Variants in MPDZ observed in about 807,000 individuals in gnomAD.
The protein encoded by MPDZ is multiple PDZ domain crumbs cell polarity complex component.
In MPDZ, 234 loss-of-function variants were observed where a neutral mutation model predicts 239.1. The ratio of observed to expected loss-of-function variants is 0.98; its 90% confidence interval spans 0.88 to 1.09. The LOEUF is 1.09. MPDZ is among the 50% of genes least tolerant of loss of function. The pLI, the probability that MPDZ is intolerant of heterozygous loss-of-function variation, is 0.00. For missense variants in MPDZ, 3,175 were observed against 2,510.0 expected (o/e 1.26, Z -5.66); for synonymous variants, 1,048 against 881.3 (o/e 1.19, Z -3.35).
intron 1 of MPDZ, among the ~76,000 whole-genome samples, chr9:13,260,302 A>C (rs1038552327): frequency 2.0e-5 from 3 of 152,170 alleles, no homozygotes; most frequent in African/African-American, 7.2e-5. Context: ...AGGAAAATAA[A>C]GGAAAATGGG....
In MPDZ at chr9:13,176,231, A is replaced by T. The variant is rs779867093; in HGVS notation, c.2836T>A (p.Cys946Ser). ...TCAGTCCACACTATTGTGTTTTCACATTCATATTGTTGTTCAATAGCATTT... is the reference window on the plus strand; with the variant it reads ...TCAGTCCACACTATTGTGTTTTCACTTTCATATTGTTGTTCAATAGCATTT... ...PANAIEQQYE[C>S]ENTIVWTESH... Residue 946 changes from cysteine to serine, a missense_variant, in exon 20 of 47, where the codon TGT (cysteine) becomes AGT (serine). By Grantham distance (112) the Cys-to-Ser change is moderately radical. Coordinates refer to ENST00000319217, the MANE Select transcript of MPDZ (RefSeq NM_001378778.1). The T allele has an allele frequency of 1.5e-5, 24 of 1,605,254 alleles. No homozygotes were observed. Among genetic ancestry groups the T allele is most frequent in the Non-Finnish European group, 2.0e-5 (24 of 1,175,194 alleles).
intron 12 of MPDZ, among the ~76,000 whole-genome samples, chr9:13,197,082 G>A (rs1005604609): frequency 5.9e-5 from 9 of 151,432 alleles, no homozygotes; most frequent in African/African-American, 2.2e-4. Flanking sequence ...TTCATTCCAG[G>A]CATATTTTGT....
intron 24 of MPDZ, among the ~76,000 whole-genome samples, chr9:13,152,792 C>A (rs992339681): frequency 1.3e-5 from 2 of 151,958 alleles, no homozygotes; most frequent in Non-Finnish European, 2.9e-5. Flanking sequence ...ATTTCCTATA[C>A]CCACAAAATA....
chr9:13,166,175 A>T (rs746880345), intron 22 of MPDZ, among the ~76,000 whole-genome samples: 1 of 152,164 alleles, frequency 6.6e-6, no homozygotes, highest in Non-Finnish European at 1.5e-5. Flanking sequence ...ATGAGCACAA[A>T]GCTTAATGGG....
intron 23 of MPDZ, among the ~76,000 whole-genome samples, chr9:13,161,241 G>A (rs1177381745): frequency 2.0e-5 from 3 of 151,954 alleles, no homozygotes; most frequent in Non-Finnish European, 2.9e-5. Context: ...ACTGGAGACC[G>A]TGGTGTTCTG....
chr9:13,201,314 C>A (rs901097182), intron 12 of MPDZ, among the ~76,000 whole-genome samples: 1 of 151,604 alleles, frequency 6.6e-6, no homozygotes, highest in South Asian at 2.1e-4. Context: ...ATTGGGGCTT[C>A]TTTGAATGTG....
In MPDZ at chr9:13,108,934, A is replaced by T; in HGVS notation, c.6066+2T>A. The T allele has an allele frequency of 6.2e-7, 1 of 1,610,194 alleles. No homozygotes were observed. The highest frequency in any genetic ancestry group is 8.5e-7 in the Non-Finnish European group (1 of 1,177,744). On this transcript the variant is annotated splice_donor_variant, in intron 46 of 46. Coordinates refer to ENST00000319217, the MANE Select transcript of MPDZ (RefSeq NM_001378778.1). LOFTEE classifies it high-confidence loss of function. The stretch of plus-strand genomic sequence containing the variant: ...GAGGGTGGTTAAAATTTGCAAGCTT[A>T]CCTTTGCAAACACTGTTTTAACATA...
intron 3 of MPDZ, among the ~76,000 whole-genome samples, chr9:13,230,140 T>A (rs1431657410): frequency 6.6e-6 from 1 of 152,118 alleles, no homozygotes; most frequent in African/African-American, 2.4e-5. Context: ...AAAAGAAATA[T>A]CACTGCGTAC....
Position 13,121,773 on chromosome 9 carries a change from C to T in MPDZ, c.5197G>A (p.Gly1733Arg), listed in dbSNP as rs774206866. The change falls in exon 38 of 47, where the codon GGA becomes AGA. Residue 1733 changes from glycine (G) to arginine (R), a missense_variant. Physicochemically the swap from Gly to Arg is moderately radical, Grantham distance 125. Transcript: ENST00000319217. ...TLTIELQKKP[G>R]KGLGLSIVGK... ...ACAATACTTAATCCTAGGCCTTTTC[C>T]CGGCTTCTTCTGCAGCTCAATAGTG... 9 of 1,613,824 alleles carry T rather than the reference C, an allele frequency of 5.6e-6. No individual in the cohort carries two copies. The highest frequency in any genetic ancestry group is 5.9e-6 in the Non-Finnish European group (7 of 1,179,884).
rs370520671 is a variant in MPDZ at position 13,219,710 on chromosome 9, C to T, written c.935G>A (p.Gly312Glu). ...ILKIGDTDLA[G>E]MSSEQVAQVL... is the part of the protein sequence containing the mutation. ...TTGTGCTACTTGCTCACTGCTCATTCCTGCTAGATCTGTGTCACCAATCTT... is the reference window on the plus strand; with the variant it reads ...TTGTGCTACTTGCTCACTGCTCATTTCTGCTAGATCTGTGTCACCAATCTT... Residue 312 changes from glycine (G) to glutamate (E), a missense_variant, in exon 8 of 47, where the codon GGA becomes GAA. Gly to Glu is a moderately conservative substitution (Grantham distance 98). Transcript: ENST00000319217. 3.7e-6 allele frequency: 6 copies of T among 1,612,772 alleles called. No homozygotes were observed. The highest frequency in any genetic ancestry group is 1.1e-5 in the South Asian group (1 of 91,066).
intron 21 of MPDZ, among the ~76,000 whole-genome samples, chr9:13,171,581 T>C (rs2134005733): frequency 6.6e-6 from 1 of 152,208 alleles, no homozygotes. Flanking sequence ...ACCACATTAT[T>C]AAGCAAGGGA....
chr9:13,121,654 G>C (rs2131603332), intron 38 of MPDZ, 85 bp downstream of exon 38: 2 of 1,414,992 alleles, frequency 1.4e-6, no homozygotes, highest in South Asian at 2.4e-5. Context: ...ACTGATAAAA[G>C]ATTCACCTAC....
At position 13,217,208 on chromosome 9, in the gene MPDZ, A is replaced by C. The variant is rs1958461419; in HGVS notation, c.1173T>G (p.Ile391Met). 1 of 1,598,280 alleles carries C rather than the reference A, an allele frequency of 6.3e-7. No homozygotes were observed. Among genetic ancestry groups the C allele is most frequent in the African/African-American group, 1.3e-5 (1 of 74,310 alleles). Residue 391 changes from isoleucine (I) to methionine (M), a missense_variant, in exon 9 of 47, where the codon ATT (isoleucine) becomes ATG (methionine). Physicochemically the swap from Ile to Met is conservative, Grantham distance 10. Coordinates refer to ENST00000319217, the MANE Select transcript of MPDZ (RefSeq NM_001378778.1). ...TKNVQGLGIT[I>M]AGYIGDKKLE... ...ATTTTTTATCTCCAATGTAGCCAGC[A>C]ATGGTAATTCCTAATCCTTGGACAT...
At chr9:13,276,598 G>T (rs1333794111) in intron 1 of MPDZ, 2 of 152,182 alleles carry the variant, frequency 1.3e-5, no homozygotes, top group East Asian at 3.9e-4. Context: ...AAATTCACCA[G>T]GAAGTTGTCT....
rs945047267 is a variant in MPDZ, at chr9:13,206,071, G to C, written c.1319C>G (p.Thr440Ser). Residue 440 changes from threonine to serine, a missense_variant, in exon 11 of 47, where the codon ACT becomes AGT. Coordinates refer to ENST00000319217, the MANE Select transcript of MPDZ (RefSeq NM_001378778.1). Reference protein sequence around the residue: ...AVDGTNLQGFTNQQAVEVLRH... With the variant: ...AVDGTNLQGFSNQQAVEVLRH... ...CAATACCTCTACTGCTTGCTGATTA[G>C]TAAAACCCTGAAGGTTTGTGCCATC... The C allele has an allele frequency of 6.2e-7, 1 of 1,605,030 alleles. No homozygotes were observed. The highest frequency in any genetic ancestry group is 8.5e-7 in the Non-Finnish European group (1 of 1,177,248).
At chr9:13,167,789 A>T (rs758512837) in intron 22 of MPDZ, among the ~76,000 whole-genome samples, 31 of 152,122 alleles carry the variant, frequency 2.0e-4, no homozygotes, top group Non-Finnish European at 3.1e-4. Context: ...CTTTTAGTAC[A>T]TTATGGGGTT....
At chr9:13,237,778 G>C (rs541167683) in intron 3 of MPDZ, among the ~76,000 whole-genome samples, 45 of 152,226 alleles carry the variant, frequency 3.0e-4, no homozygotes, top group Admixed American at 1.7e-3. Context: ...CCTTGAGCTT[G>C]ACACCTTTCC....
chr9:13,170,215 T>C (rs866402558), intron 21 of MPDZ, among the ~76,000 whole-genome samples: 10 of 152,126 alleles, frequency 6.6e-5, no homozygotes, highest in Admixed American at 4.6e-4. Flanking sequence ...ATTTAAAAAA[T>C]GATGTCTTTC....
rs1950043713 is a variant in MPDZ, at chr9:13,158,112, T to C, written c.3360-2A>G. On this transcript the variant is annotated splice_acceptor_variant, in intron 23 of 46. Transcript: ENST00000319217. LOFTEE classifies it high-confidence loss of function. ...CGCTCTGGTAATTCTGGAATGTCTC[T>C]GGTTAAAGAATTACACAATGAGTAC... The C allele has an allele frequency of 1.2e-6, 2 of 1,611,684 alleles. No homozygotes were observed. The highest frequency in any genetic ancestry group is 1.7e-6 in the Non-Finnish European group (2 of 1,178,382).
Sources: allele counts gnomAD v4.1 joint callset (sites outside exome capture counted in the v4.1 genomes callset), GRCh38; gene constraint gnomAD v4.1.1; transcripts MANE v1.5; gene names NCBI Gene and HGNC (gene_info 2026-07-23, HGNC 2026-07-21).